Variants in FAM107B observed in about 807,000 individuals in gnomAD.
FAM107B encodes family with sequence similarity 107 member B.
FAM107B carries 21 observed loss-of-function variants against 31.5 expected under a neutral mutation model. The observed-to-expected ratio is 0.67, with a 90% CI of 0.47 to 0.96. The LOEUF (loss-of-function observed/expected upper bound fraction) is 0.96, where lower values mean the gene tolerates loss of function less well. Among genes scored for constraint, FAM107B ranks in the 40% least tolerant of loss-of-function variants. The pLI, the probability that FAM107B is intolerant of heterozygous loss-of-function variation, is 0.00. For synonymous variants in FAM107B, 157 were observed against 141.5 expected (o/e 1.11, Z -0.78); for missense variants, 452 against 377.1 (o/e 1.20, Z -1.64).
intron 2 of FAM107B, among the ~76,000 whole-genome samples, chr10:14,633,515 T>C (rs1242857599): frequency 6.6e-6 from 1 of 152,218 alleles, no homozygotes; most frequent in African/African-American, 2.4e-5. Context: ...ATTTCATTGA[T>C]TCATTCTTAC....
intron 2 of FAM107B, among the ~76,000 whole-genome samples, chr10:14,624,538 AGGC>A (rs1853104000): frequency 6.6e-6 from 1 of 152,108 alleles, no homozygotes; most frequent in Admixed American, 6.5e-5. Flanking sequence ...CGGGAGGCTG[AGGC>A]AGGAGAATTG....
At chr10:14,716,678 G>A (rs965897613) in intron 1 of FAM107B, among the ~76,000 whole-genome samples, 5 of 152,180 alleles carry the variant, frequency 3.3e-5, no homozygotes, top group Admixed American at 6.5e-5. Flanking sequence ...GATGTCAAGC[G>A]ATCACAGGTT....
chr10:14,755,686 C>T (rs890874549), intron 1 of FAM107B, among the ~76,000 whole-genome samples: 26 of 151,936 alleles, frequency 1.7e-4, no homozygotes, highest in African/African-American at 4.8e-4. Flanking sequence ...TTTCACTCAC[C>T]GAAACGAAAC....
At chr10:14,632,073 G>C (rs1414925717) in intron 2 of FAM107B, among the ~76,000 whole-genome samples, 11 of 148,138 alleles carry the variant, frequency 7.4e-5, no homozygotes, top group South Asian at 2.2e-4. Flanking sequence ...CAGGCAGGCG[G>C]ACCACCTGAG....
At position 14,667,656 on chromosome 10, in the gene FAM107B, C is replaced by G. The variant is rs760735430; in HGVS notation, c.447G>C (p.Glu149Asp). The G allele has an allele frequency of 1.2e-6, 2 of 1,614,140 alleles. No homozygotes were observed. The highest frequency in any genetic ancestry group is 4.5e-5 in the East Asian group (2 of 44,884). Reference protein sequence around the residue: ...EEFREEPKCLELEQKMTSDSP... With the variant: ...EEFREEPKCLDLEQKMTSDSP... ...TACCTGATGTCATTTTCTGCTCCAG[C>G]TCGAGGCATTTAGGTTCTTCTCGAA... The change falls in exon 2 of 5, where the codon GAG becomes GAC. Residue 149 changes from glutamate (E) to aspartate (D), a missense_variant. Coordinates refer to ENST00000181796, the MANE Select transcript of FAM107B (RefSeq NM_031453.4).
At chr10:14,628,225 T>C (rs1853226009) in intron 2 of FAM107B, among the ~76,000 whole-genome samples, 1 of 148,876 alleles carries the variant, frequency 6.7e-6, no homozygotes, top group African/African-American at 2.5e-5. Flanking sequence ...CAAGCAATTC[T>C]TCTGCCTCAG....
chr10:14,731,495 G>C (rs1486953867), intron 1 of FAM107B, among the ~76,000 whole-genome samples: 1 of 152,190 alleles, frequency 6.6e-6, no homozygotes, highest in Non-Finnish European at 1.5e-5. Flanking sequence ...CCAGGAGGCG[G>C]AGGTTGCAGT....
At chr10:14,619,600 G>A (rs916633961) in intron 2 of FAM107B, among the ~76,000 whole-genome samples, 4 of 148,966 alleles carry the variant, frequency 2.7e-5, no homozygotes, top group Non-Finnish European at 5.9e-5. Flanking sequence ...CCCCATCTAT[G>A]ACTTCTCTTT....
intron 2 of FAM107B, among the ~76,000 whole-genome samples, chr10:14,649,978 T>C (rs1249330448): frequency 2.6e-5 from 4 of 152,190 alleles, no homozygotes; most frequent in Non-Finnish European, 4.4e-5. Flanking sequence ...TCCTCCAGTA[T>C]CCTTAACACA....
At chr10:14,746,304 T>G (rs1436388763) in intron 1 of FAM107B, among the ~76,000 whole-genome samples, 1 of 152,210 alleles carries the variant, frequency 6.6e-6, no homozygotes, top group Non-Finnish European at 1.5e-5. Flanking sequence ...CAATTAAGGT[T>G]AATATTGTAT....
At chr10:14,767,063 G>T (rs2768710) in intron 1 of FAM107B, among the ~76,000 whole-genome samples, 1,378 of 31,604 alleles carry the variant, frequency 0.044, 4 homozygotes, top group Non-Finnish European at 0.058. Context: ...TATAGAGAGA[G>T]AGAGAGAGAG....
intron 1 of FAM107B, among the ~76,000 whole-genome samples, chr10:14,749,600 T>C (rs1832788657): frequency 6.6e-6 from 1 of 152,132 alleles, no homozygotes; most frequent in Non-Finnish European, 1.5e-5. Context: ...ATGACCAAAG[T>C]TCACATCCCA....
intron 2 of FAM107B, chr10:14,572,042 G>GA (rs767247973): frequency 1.0e-5 from 10 of 985,246 alleles, no homozygotes; most frequent in Non-Finnish European, 1.2e-5. Context: ...CCCAAAACAA[G>GA]AATTAACCAT....
chr10:14,628,112 G>GTT (rs71505033), intron 2 of FAM107B, among the ~76,000 whole-genome samples: 61 of 92,682 alleles, frequency 6.6e-4, no homozygotes, highest in Non-Finnish European at 7.0e-4. Context: ...TGTTTTGCTG[G>GTT]TTTTTTTTTT....
At chr10:14,700,237 G>A (rs932874640) in intron 1 of FAM107B, among the ~76,000 whole-genome samples, 7 of 152,044 alleles carry the variant, frequency 4.6e-5, no homozygotes, top group South Asian at 4.1e-4. Flanking sequence ...CAGGCCAGGC[G>A]TCCCTTTTTA....
intron 1 of FAM107B, among the ~76,000 whole-genome samples, chr10:14,772,151 G>A (rs543945673): frequency 2.6e-5 from 4 of 152,148 alleles, no homozygotes; most frequent in East Asian, 1.9e-4. Context: ...ACAGGAGATC[G>A]AGACCATCCT....
At chr10:14,632,101 A>G (rs1259352629) in intron 2 of FAM107B, among the ~76,000 whole-genome samples, 1 of 151,206 alleles carries the variant, frequency 6.6e-6, no homozygotes, top group Non-Finnish European at 1.5e-5. Context: ...GTTCAAGACC[A>G]GCCTGGCCAA....
At chr10:14,719,680 A>C (rs536733906) in intron 1 of FAM107B, among the ~76,000 whole-genome samples, 3 of 152,108 alleles carry the variant, frequency 2.0e-5, no homozygotes, top group Admixed American at 6.5e-5. Flanking sequence ...CAGGGTATTT[A>C]TGTTCCTCTC....
At chr10:14,668,215 T>G (rs1321919415) in intron 1 of FAM107B, among the ~76,000 whole-genome samples, 1 of 152,028 alleles carries the variant, frequency 6.6e-6, no homozygotes, top group East Asian at 1.9e-4. Flanking sequence ...CTGATTTTTT[T>G]TGTATTTTTA....
Sources: allele counts gnomAD v4.1 joint callset (sites outside exome capture counted in the v4.1 genomes callset), GRCh38; gene constraint gnomAD v4.1.1; transcripts MANE v1.5; gene names NCBI Gene and HGNC (gene_info 2026-07-23, HGNC 2026-07-21).